The following CYRIB variants were observed in gnomAD, a reference collection of about 807,000 sequenced individuals.
The protein encoded by CYRIB is CYFIP-related Rac1 interactor B.
A neutral mutation model predicts 44.2 loss-of-function variants in CYRIB; 8 were observed. The ratio of observed to expected loss-of-function variants is 0.18; its 90% CI spans 0.11 to 0.33. The LOEUF is 0.33. Among genes scored for constraint, CYRIB ranks in the 10% least tolerant of loss-of-function variants. CYRIB has a pLI of 1.00. For synonymous variants in CYRIB, 131 were observed against 127.2 expected, an observed-to-expected ratio of 1.03 and a Z score of -0.20; for missense variants, 185 against 382.8, an observed-to-expected ratio of 0.48 and a Z score of 4.31.
At chr8:129,847,719 G>A (rs1335786671) in intron 10 of CYRIB, among the ~76,000 whole-genome samples, 1 of 152,130 alleles carries the variant, frequency 6.6e-6, no homozygotes. Flanking sequence ...AGATATATTA[G>A]CCTGGTTGTT....
intron 1 of CYRIB, among the ~76,000 whole-genome samples, chr8:129,984,896 T>G (rs1439715219): frequency 6.6e-6 from 1 of 152,134 alleles, no homozygotes; most frequent in Non-Finnish European, 1.5e-5. Flanking sequence ...TGCCTCAGCC[T>G]CCCGAGTAGC....
At position 129,892,728 on chromosome 8, in the gene CYRIB, G is replaced by A. The variant is rs193231518; in HGVS notation, c.-11+10584C>T. 2.3e-3 allele frequency among the ~76,000 whole-genome samples: 354 copies of A among 152,264 alleles called. 5 individuals are homozygous for A. The highest frequency in any genetic ancestry group is 8.1e-3 in the African/African-American group (335 of 41,546). ...AAATTAGTCTGACATTCCTTCTGAA[G>A]TTCATGTGCAATATTCACATAATGA... On this transcript the variant is annotated intron_variant, in intron 2 of 11. Transcript: ENST00000519824.
At chr8:129,890,323 A>C (rs1484042053) in intron 2 of CYRIB, 1 of 152,224 alleles carries the variant, frequency 6.6e-6, no homozygotes, top group East Asian at 1.9e-4. Flanking sequence ...ACAGCCACCC[A>C]ACCTTCAGCA....
intron 1 of CYRIB, among the ~76,000 whole-genome samples, chr8:129,919,008 T>A (rs941107892): frequency 6.6e-6 from 1 of 152,188 alleles, no homozygotes; most frequent in Non-Finnish European, 1.5e-5. Flanking sequence ...CACCACCGTT[T>A]TACAGATAGT....
chr8:130,001,563 C>T (rs2096908903), intron 1 of CYRIB, among the ~76,000 whole-genome samples: 1 of 133,578 alleles, frequency 7.5e-6, no homozygotes. Flanking sequence ...GAGTCTCACT[C>T]TGTCACCCAG....
At chr8:129,911,385 T>C (rs1393021730) in intron 1 of CYRIB, among the ~76,000 whole-genome samples, 2 of 152,198 alleles carry the variant, frequency 1.3e-5, no homozygotes, top group African/African-American at 2.4e-5. Flanking sequence ...AAATTACTTT[T>C]CAGGAAACAA....
At chr8:129,924,290 C>CG (rs2085885465) in intron 1 of CYRIB, among the ~76,000 whole-genome samples, 1 of 1,998 alleles carries the variant, frequency 5.0e-4, no homozygotes, top group African/African-American at 1.2e-3. Flanking sequence ...AAAAAAAAAA[C>CG]CGGGGGGGGG....
intron 1 of CYRIB, among the ~76,000 whole-genome samples, chr8:129,927,575 G>A (rs2088623518): frequency 6.6e-6 from 1 of 152,204 alleles, no homozygotes; most frequent in Non-Finnish European, 1.5e-5. Flanking sequence ...AATAAATGTG[G>A]AGAGTATGTG....
intron 4 of CYRIB, among the ~76,000 whole-genome samples, chr8:129,865,317 T>A (rs1350963836): frequency 6.6e-6 from 1 of 152,228 alleles, no homozygotes; most frequent in African/African-American, 2.4e-5. Context: ...GTCTGGTGCA[T>A]GTGATTAATC....
rs1207213299 is a variant in CYRIB, at chr8:129,895,094, T to G, written c.-11+8218A>C. Among the ~76,000 whole-genome samples, 8 of 113,520 alleles carry G rather than the reference T, an allele frequency of 7.0e-5. No homozygotes were observed. The East Asian group carries it at 2.0e-3, about 28-fold the overall frequency. The allele number at this position is 113,520 out of a possible 152,430, so 74.5% of individuals were successfully genotyped here. ...CTGGGACTACATGCCCGTGTCATCATGCTAGTGTGTGTCGGCGGGGTTGGG... is the reference window on the plus strand; with the variant it reads ...CTGGGACTACATGCCCGTGTCATCAGGCTAGTGTGTGTCGGCGGGGTTGGG... On this transcript the variant is annotated intron_variant, in intron 2 of 11. Coordinates refer to ENST00000519824, the Ensembl canonical transcript of CYRIB.
intron 2 of CYRIB, among the ~76,000 whole-genome samples, chr8:129,893,773 G>A (rs546497965): frequency 5.9e-5 from 9 of 151,302 alleles, no homozygotes; most frequent in South Asian, 4.2e-4. Context: ...GGCCTCAACC[G>A]ATCCTTCCAC....
chr8:129,869,703 A>G (rs955603123), intron 4 of CYRIB, among the ~76,000 whole-genome samples: 10 of 152,234 alleles, frequency 6.6e-5, no homozygotes, highest in African/African-American at 2.2e-4. Flanking sequence ...ACTTAAGCCA[A>G]TAACAATGCC....
chr8:130,008,043 T>G (rs922221807), intron 1 of CYRIB, among the ~76,000 whole-genome samples: 1 of 151,838 alleles, frequency 6.6e-6, no homozygotes, highest in Non-Finnish European at 1.5e-5. Context: ...ACTCCATCTC[T>G]ACTAAAAGTA....
At chr8:129,887,175 G>A (rs1564643680) in intron 2 of CYRIB, among the ~76,000 whole-genome samples, 1 of 152,050 alleles carries the variant, frequency 6.6e-6, no homozygotes, top group Non-Finnish European at 1.5e-5. Flanking sequence ...CCAGGCCCAG[G>A]GCCTGGCTGC....
intron 2 of CYRIB, among the ~76,000 whole-genome samples, chr8:129,966,078 A>T (rs2095468081): frequency 6.6e-6 from 1 of 152,146 alleles, no homozygotes; most frequent in South Asian, 2.1e-4. Flanking sequence ...GGCTGGTCTC[A>T]AACTCCTGGC....
chr8:129,957,984 CA>C (rs2094966697), intron 2 of CYRIB, among the ~76,000 whole-genome samples: 2 of 141,704 alleles, frequency 1.4e-5, no homozygotes, highest in South Asian at 2.3e-4. Context: ...AAAAAAAATA[CA>C]AAAAATACAA....
At chr8:129,997,739 T>G (rs1358002603) in intron 1 of CYRIB, among the ~76,000 whole-genome samples, 3 of 152,178 alleles carry the variant, frequency 2.0e-5, no homozygotes, top group Non-Finnish European at 4.4e-5. Context: ...CTGTCAAGAC[T>G]GCATTTTAAA....
intron 4 of CYRIB, among the ~76,000 whole-genome samples, chr8:129,869,780 T>G (rs16904164): frequency 2.6e-5 from 4 of 152,134 alleles, no homozygotes; most frequent in Non-Finnish European, 5.9e-5. Flanking sequence ...AAGTTTACAA[T>G]GTACTAGGTG....
intron 1 of CYRIB, among the ~76,000 whole-genome samples, chr8:129,921,187 T>C (rs1470472448): frequency 6.6e-6 from 1 of 152,226 alleles, no homozygotes; most frequent in Non-Finnish European, 1.5e-5. Context: ...TAGCCATCAT[T>C]TGTCACCTTT....
Sources: allele counts gnomAD v4.1 joint callset (sites outside exome capture counted in the v4.1 genomes callset), GRCh38; gene constraint gnomAD v4.1.1; transcripts MANE v1.5; gene names NCBI Gene and HGNC (gene_info 2026-07-23, HGNC 2026-07-21).